The following PHYKPL variants were observed in gnomAD, a reference collection of about 807,000 sequenced individuals.
PHYKPL encodes 5-phosphonooxy-L-lysine phospho-lyase.
A neutral mutation model predicts 51.3 loss-of-function variants in PHYKPL; 42 were observed. That is an observed-to-expected ratio of 0.82 (90% confidence interval 0.64 to 1.06). The LOEUF is 1.06. Ranked by LOEUF, PHYKPL falls within the 50% of genes least tolerant of loss-of-function variation. The probability of loss-of-function intolerance (pLI) is 0.00; values close to 1 mark genes in which losing one functional copy is unlikely to be tolerated. For missense variants in PHYKPL, 655 were observed against 586.6 expected, an observed-to-expected ratio of 1.12 and a Z score of -1.20; for synonymous variants, 264 against 236.0, an observed-to-expected ratio of 1.12 and a Z score of -1.09.
rs1446968583 is a variant in PHYKPL at position 178,218,235 on chromosome 5, AAAAG to A, written c.928-2809_928-2806del. Among the ~76,000 whole-genome samples the A allele has an allele frequency of 5.7e-3, 769 of 135,496 alleles. 15 individuals are homozygous for A. Among genetic ancestry groups the A allele is most frequent in the Non-Finnish European group, 7.9e-3 (462 of 58,760 alleles). The allele number at this position is 135,496 out of a possible 152,430, so 88.9% of individuals were successfully genotyped here. On this transcript the variant is annotated intron_variant, in intron 8 of 12. Transcript: ENST00000308158. The stretch of plus-strand genomic sequence containing the variant: ...CCGTCTCAAAAAAAAAAAAAAAAAA[AAAAG>A]AAAGAAAAGAAAAACAGTCATATAG...
chr5:178,222,860 T>C lies in PHYKPL; in HGVS notation c.693A>G (p.Gln231=), dbSNP rs138961797. Residue 231 remains glutamine (Q), a synonymous_variant, in exon 7 of 13, where the codon CAA becomes CAG. Coordinates refer to ENST00000308158, the MANE Select transcript of PHYKPL (RefSeq NM_153373.4). Reference sequence around the variant, plus strand: ...CCCGCCCACCTACTCACTCTGCCACTTGGGAGAAGTAGCCAGCAGGGGGAA... The same window carrying C: ...CCCGCCCACCTACTCACTCTGCCACCTGGGAGAAGTAGCCAGCAGGGGGAA... ...QIIPPAGYFS[Q]VAEHIRKAGG... is the part of the protein sequence containing the mutation. 6.2e-6 allele frequency: 10 copies of C among 1,613,956 alleles called. No homozygotes were observed. In the African/African-American group the frequency reaches 9.3e-5, roughly 15 times the overall value.
intron 12 of PHYKPL, chr5:178,210,803 T>A: frequency 3.2e-6 from 2 of 621,466 alleles, no homozygotes; most frequent in East Asian, 5.6e-5. Context: ...TCTAGGTGTT[T>A]AGGCAGCGTG....
At chr5:178,231,919 A>C in intron 1 of PHYKPL, 1 of 1,286,442 alleles carries the variant, frequency 7.8e-7, no homozygotes, top group Non-Finnish European at 1.0e-6. Flanking sequence ...TCTCAGCCCT[A>C]AACAGCTCCT....
At chr5:178,212,005 A>C (rs1416145810) in intron 11 of PHYKPL, 35 bp from the exon 12 acceptor site, 1 of 1,613,104 alleles carries the variant, frequency 6.2e-7, no homozygotes, top group Non-Finnish European at 8.5e-7. Context: ...CGACTCAGTC[A>C]CCTTTCTCTG....
At chr5:178,207,469 T>C (rs944152353), downstream of PHYKPL, among the ~76,000 whole-genome samples, 5 of 152,172 alleles carry the variant, frequency 3.3e-5, no homozygotes, top group African/African-American at 7.2e-5. Flanking sequence ...CCTCTGTGAA[T>C]AGAGCAGGTT....
Position 178,215,446 on chromosome 5 carries a change from AG to A in PHYKPL, c.928-17del. The A allele has an allele frequency of 2.5e-6, 4 of 1,599,710 alleles. No individual in the cohort carries two copies. The highest frequency in any genetic ancestry group is 3.4e-6 in the Non-Finnish European group (4 of 1,171,644). ...TGCCCCCAAACTGAGCCAGGGACAA[AG>A]AACATGTCAGATGCCCTGGCAGAGT... On this transcript the variant is annotated splice_polypyrimidine_tract_variant and intron_variant, in intron 8 of 12. Transcript: ENST00000308158.
intron 12 of PHYKPL, chr5:178,210,314 C>T: frequency 6.2e-7 from 1 of 1,613,250 alleles, no homozygotes; most frequent in Non-Finnish European, 8.5e-7. Flanking sequence ...CACCCCTCGT[C>T]CCCAGGGGAG....
At chr5:178,209,335 G>A in intron 12 of PHYKPL, 1 of 1,614,028 alleles carries the variant, frequency 6.2e-7, no homozygotes, top group Non-Finnish European at 8.5e-7. Context: ...TTTAGTGTGA[G>A]ATCAAGGTGG....
chr5:178,232,225 G>A (rs1415471132), intron 1 of PHYKPL: 1 of 1,256,810 alleles, frequency 8.0e-7, no homozygotes, highest in Non-Finnish European at 1.0e-6. Context: ...ACAGCGGTGA[G>A]GGCGGGGCCG....
chr5:178,211,951 T>G lies in PHYKPL; in HGVS notation c.1323A>C (p.Arg441Ser). 1 of 1,614,172 alleles carries G rather than the reference T, an allele frequency of 6.2e-7. No homozygotes were observed. Among genetic ancestry groups the G allele is most frequent in the Non-Finnish European group, 8.5e-7 (1 of 1,180,028 alleles). The change falls in exon 12 of 13, where the codon AGA becomes AGC. Residue 441 changes from arginine to serine, a missense_variant. Arg to Ser is a moderately radical substitution (Grantham distance 110, BLOSUM62 -1). Transcript: ENST00000308158. ...GCTGGAGCCTCAGCGTTTCACAACTTCTCACCTTCTCTTCCATGTCTGAAA... is the reference window on the plus strand; with the variant it reads ...GCTGGAGCCTCAGCGTTTCACAACTGCTCACCTTCTCTTCCATGTCTGAAA... ...AILTDMEEKV[R>S]SCETLRLQP is the part of the protein sequence containing the mutation.
intron 8 of PHYKPL, among the ~76,000 whole-genome samples, chr5:178,219,085 CAA>C (rs1181087112): frequency 2.6e-5 from 4 of 151,958 alleles, no homozygotes; most frequent in African/African-American, 4.8e-5. Context: ...TATGTCAAAA[CAA>C]AATGTTAAAA....
chr5:178,227,313 C>G (rs1024096817), intron 3 of PHYKPL, among the ~76,000 whole-genome samples: 1 of 152,192 alleles, frequency 6.6e-6, no homozygotes, highest in African/African-American at 2.4e-5. Context: ...TAGAAGAAAC[C>G]AACCCTGCGA....
At chr5:178,229,821 C>A in intron 3 of PHYKPL, 119 bp downstream of exon 3, 2 of 1,280,796 alleles carry the variant, frequency 1.6e-6, no homozygotes, top group Admixed American at 2.0e-5. Context: ...GAGCCTGGTG[C>A]AGTGGGGGCT....
intron 12 of PHYKPL, chr5:178,211,634 C>T (rs1410006760): frequency 1.1e-5 from 5 of 441,594 alleles, no homozygotes; most frequent in Admixed American, 3.8e-5. Flanking sequence ...TAGGTGGTTA[C>T]AAGAGGCAAG....
At position 178,232,726 on chromosome 5, in the gene PHYKPL, C is replaced by G. The variant is rs1479654735; in HGVS notation, c.-176G>C. The stretch of plus-strand genomic sequence containing the variant: ...TGCGGTGGTTCATTTCTTCGCTTGC[C>G]CACTGGGCCTGGCAGCCTTCCGGCC... On this transcript the variant is annotated 5_prime_UTR_variant, in exon 1 of 13. Coordinates refer to ENST00000308158, the MANE Select transcript of PHYKPL (RefSeq NM_153373.4). 3 of 672,506 alleles carry G rather than the reference C, an allele frequency of 4.5e-6. No individual in the cohort carries two copies. Among genetic ancestry groups the G allele is most frequent in the Non-Finnish European group, 2.1e-6 (1 of 484,506 alleles). The allele number at this position is 672,506 out of a possible 1,614,324, so 41.7% of individuals were successfully genotyped here. A position where few individuals can be genotyped will look rare whatever the true frequency, so the allele number is the denominator to read the frequency against.
chr5:178,211,986 A>G lies in PHYKPL; in HGVS notation c.1304-16T>C. ...TCTTCCATGTCTGAAAAAGACCACA[A>G]AGCAATGCCGACTCAGTCACCTTTC... On this transcript the variant is annotated splice_polypyrimidine_tract_variant and intron_variant, in intron 11 of 12. Coordinates refer to ENST00000308158, the MANE Select transcript of PHYKPL (RefSeq NM_153373.4). The G allele has an allele frequency of 6.2e-7, 1 of 1,614,062 alleles. No homozygotes were observed. Among genetic ancestry groups the G allele is most frequent in the Non-Finnish European group, 8.5e-7 (1 of 1,179,974 alleles).
intron 6 of PHYKPL, 51 bp downstream of exon 6, chr5:178,224,397 C>G (rs367548653): frequency 6.7e-7 from 1 of 1,489,456 alleles, no homozygotes; most frequent in Non-Finnish European, 9.1e-7. Context: ...GCGGTGACAA[C>G]GGAGGTGACA....
downstream of PHYKPL, among the ~76,000 whole-genome samples, chr5:178,207,446 TAGG>T (rs1323608203): frequency 4.6e-5 from 7 of 151,982 alleles, no homozygotes; most frequent in African/African-American, 7.3e-5. Flanking sequence ...GTGAGGGAGG[TAGG>T]AGAAGGTGGC....
At chr5:178,207,366 G>C (rs780311445), downstream of PHYKPL, 2 of 947,128 alleles carry the variant, frequency 2.1e-6, no homozygotes, top group Non-Finnish European at 3.1e-6. Flanking sequence ...ATGCTGCCCT[G>C]ATTGGGGCAG....
Sources: gnomAD v4.1 joint callset for allele counts (sites outside exome capture counted in the v4.1 genomes callset) on GRCh38, gnomAD v4.1.1 for gene constraint, MANE v1.5 for transcripts, NCBI Gene and HGNC (gene_info 2026-07-23, HGNC 2026-07-21) for gene names.